Variants in NOC4L observed in about 807,000 individuals in gnomAD.
NOC4L encodes the protein nucleolar complex associated 4 homolog, also known as nucleolar complex protein 4 homolog.
NOC4L carries 40 observed loss-of-function variants against 62.8 expected under a neutral mutation model. That is an observed-to-expected ratio of 0.64 (90% CI 0.49 to 0.83). NOC4L has a LOEUF of 0.83. Ranked by LOEUF, NOC4L falls within the 40% of genes least tolerant of loss-of-function variation. The pLI is 0.00. For missense variants in NOC4L, 927 were observed against 701.9 expected (o/e 1.32, Z -3.62); for synonymous variants, 433 against 299.8 (o/e 1.44, Z -4.59).
intron 4 of NOC4L, 49 bp from the exon 5 acceptor site, chr12:132,147,584 C>G (rs1173985609): frequency 1.3e-6 from 2 of 1,595,010 alleles, no homozygotes; most frequent in Non-Finnish European, 1.7e-6. Context: ...CTGGACCTTG[C>G]TGGCGTATGC....
intron 3 of NOC4L, chr12:132,146,117 C>T (rs1444645463): frequency 5.0e-6 from 2 of 399,140 alleles, no homozygotes; most frequent in Non-Finnish European, 1.0e-5. Flanking sequence ...CTTTATCGCC[C>T]CGAAAAGAAA....
chr12:132,151,898 C>T, intron 13 of NOC4L, 78 bp downstream of exon 13: 3 of 1,431,154 alleles, frequency 2.1e-6, no homozygotes, highest in Non-Finnish European at 2.9e-6. Flanking sequence ...CCCCGTGCCA[C>T]CTCCCGCATA....
At chr12:132,146,457 C>G (rs1284419104) in intron 3 of NOC4L, 2 of 429,138 alleles carry the variant, frequency 4.7e-6, no homozygotes, top group Non-Finnish European at 9.6e-6. Context: ...TGTGATGTTT[C>G]TTTTGCTTGA....
In NOC4L at chr12:132,151,502, G is replaced by C; in HGVS notation, c.1092G>C (p.Leu364=). Residue 364 remains leucine (L), a synonymous_variant, in exon 12 of 15, where the codon CTG becomes CTC. Coordinates refer to ENST00000330579, the MANE Select transcript of NOC4L (RefSeq NM_024078.3). The part of the protein sequence containing the change: ...FLSSSHLPAY[L]VAAFAKRLAR... ...TGCCCAGCCACCTCCCCGCCTACCTGGTGGCCGCCTTCGCCAAGCGGCTGG... is the reference window on the plus strand; with the variant it reads ...TGCCCAGCCACCTCCCCGCCTACCTCGTGGCCGCCTTCGCCAAGCGGCTGG... The C allele has an allele frequency of 1.9e-6, 3 of 1,604,542 alleles. No individual in the cohort carries two copies. Among genetic ancestry groups the C allele is most frequent in the Non-Finnish European group, 2.5e-6 (3 of 1,179,206 alleles).
chr12:132,147,795 G>A lies in NOC4L; in HGVS notation c.603+13G>A, dbSNP rs1225323905. On this transcript the variant is annotated intron_variant, in intron 5 of 14. Transcript: ENST00000330579. ...CCAGCACCCCGAGGTGGGTGATGGGGTCCTGTCGCCAGCATCATGCTGTTG... is the reference window on the plus strand; with the variant it reads ...CCAGCACCCCGAGGTGGGTGATGGGATCCTGTCGCCAGCATCATGCTGTTG... 4.3e-6 allele frequency: 7 copies of A among 1,612,016 alleles called. No individual in the cohort carries two copies. Among genetic ancestry groups the A allele is most frequent in the South Asian group, 1.1e-5 (1 of 91,070 alleles).
Position 132,148,770 on chromosome 12 carries a change from C to G in NOC4L, c.790-14C>G, listed in dbSNP as rs765845119. ...CCACCCGCCCCTCACCCCCACCTGC[C>G]GGCCCCCGCCCAGCTGCCCCTCAGC... On this transcript the variant is annotated splice_polypyrimidine_tract_variant and intron_variant, in intron 8 of 14. Transcript: ENST00000330579. 53 of 1,493,086 alleles carry G rather than the reference C, an allele frequency of 3.5e-5. No homozygotes were observed. The highest frequency in any genetic ancestry group is 4.5e-5 in the Non-Finnish European group (50 of 1,106,330). The allele number at this position is 1,493,086 out of a possible 1,614,324, so 92.5% of individuals were successfully genotyped here.
rs373412135 is a variant in NOC4L at position 132,150,965 on chromosome 12, G to A, written c.902-16G>A. ...CGAGGTCACTGCAGCTCCAGCCTGT[G>A]TCTGTCTGTCTGCAGGGGGGGCCCT... On this transcript the variant is annotated splice_polypyrimidine_tract_variant and intron_variant, in intron 9 of 14. Coordinates refer to ENST00000330579, the MANE Select transcript of NOC4L (RefSeq NM_024078.3). The A allele has an allele frequency of 1.4e-5, 22 of 1,596,570 alleles. No individual in the cohort carries two copies. Among genetic ancestry groups the A allele is most frequent in the Non-Finnish European group, 1.7e-5 (20 of 1,170,506 alleles).
chr12:132,146,985 A>T (rs537483767), intron 3 of NOC4L, among the ~76,000 whole-genome samples: 14 of 152,310 alleles, frequency 9.2e-5, no homozygotes, highest in Non-Finnish European at 1.8e-4. Context: ...CCCGTGACAC[A>T]GGTGACGAGA....
At chr12:132,151,423 CA>C (rs1872913667) in intron 11 of NOC4L, 55 bp downstream of exon 11, 1 of 1,601,702 alleles carries the variant, frequency 6.2e-7, no homozygotes. Context: ...AGCCTGGGGC[CA>C]GGGGAGGGTG....
chr12:132,147,963 C>A lies in NOC4L; in HGVS notation c.687C>A (p.Phe229Leu). The A allele has an allele frequency of 6.2e-7, 1 of 1,610,468 alleles. No homozygotes were observed. ...GCCGGGAGCCCACCGTCTCCAGCTT[C>A]TATGTGAAGCGGGCGGGTGAGTGTG... ...LPRREPTVSSFYVKRAELWDT... is the reference protein window; with the variant it reads ...LPRREPTVSSLYVKRAELWDT... Residue 229 changes from phenylalanine to leucine, a missense_variant, in exon 6 of 15, where the codon TTC becomes TTA. Physicochemically the swap from Phe to Leu is conservative, Grantham distance 22. Transcript: ENST00000330579.
At chr12:132,147,419 C>CCTGG in intron 4 of NOC4L, 31 bp downstream of exon 4, 2 of 1,519,206 alleles carry the variant, frequency 1.3e-6, no homozygotes, top group South Asian at 2.4e-5. Flanking sequence ...TCCCAGAGGG[C>CCTGG]CTGGCTGGCT....
intron 3 of NOC4L, among the ~76,000 whole-genome samples, chr12:132,146,771 G>A (rs1421831400): frequency 6.6e-6 from 1 of 152,198 alleles, no homozygotes; most frequent in African/African-American, 2.4e-5. Flanking sequence ...TGGAGGGAGA[G>A]TCAGAGACAG....
intron 3 of NOC4L, among the ~76,000 whole-genome samples, chr12:132,146,042 G>A (rs751998437): frequency 1.6e-4 from 25 of 152,204 alleles, no homozygotes; most frequent in Non-Finnish European, 3.1e-4. Flanking sequence ...ACAGTTTACC[G>A]TTTAAAGCTG....
At chr12:132,147,547 G>A (rs1897769510) in intron 4 of NOC4L, 86 bp from the exon 5 acceptor site, 5 of 1,537,598 alleles carry the variant, frequency 3.3e-6, no homozygotes, top group Non-Finnish European at 4.4e-6. Context: ...GTCTGCCTGG[G>A]GGGCTCGATG....
intron 3 of NOC4L, chr12:132,146,315 T>C (rs1228846640): frequency 2.2e-6 from 1 of 455,976 alleles, no homozygotes; most frequent in African/African-American, 2.0e-5. Context: ...GTTCTCTTTG[T>C]GGCTGAGTAG....
At chr12:132,148,523 G>C (rs1230921176) in intron 7 of NOC4L, 86 bp from the exon 8 acceptor site, 1 of 1,448,772 alleles carries the variant, frequency 6.9e-7, no homozygotes. Context: ...TGTTGGCTCA[G>C]GCTGGGCTTC....
chr12:132,147,457 G>C (rs1787836767), intron 4 of NOC4L, 69 bp downstream of exon 4: 1 of 1,468,508 alleles, frequency 6.8e-7, no homozygotes, highest in Non-Finnish European at 9.3e-7. Context: ...GCCCCGTAGT[G>C]GGGGCGGGGC....
chr12:132,148,551 G>T, intron 7 of NOC4L, 58 bp from the exon 8 acceptor site: 1 of 1,540,966 alleles, frequency 6.5e-7, no homozygotes, highest in Non-Finnish European at 8.8e-7. Flanking sequence ...CCTGGCAGCT[G>T]CTCGGGCTCT....
rs764680094 is a variant in NOC4L, at chr12:132,147,729, A to G, written c.550A>G (p.Thr184Ala). The G allele has an allele frequency of 6.2e-6, 10 of 1,612,722 alleles. No homozygotes were observed. In the South Asian group the frequency reaches 8.8e-5, roughly 14 times the overall value. The change falls in exon 5 of 15, where the codon ACC becomes GCC. Residue 184 changes from threonine (T) to alanine (A), a missense_variant. By Grantham distance (58) the Thr-to-Ala change is moderately conservative. Transcript: ENST00000330579. ...YLDYDDTRYH[T>A]MQAAVDAVAR... ...GGACTACGACGACACCCGCTACCAC[A>G]CCATGCAGGCAGCCGTGGATGCCGT... is the stretch of plus-strand genomic sequence containing the variant.
Sources: gnomAD v4.1 joint callset for allele counts (sites outside exome capture counted in the v4.1 genomes callset) on GRCh38, gnomAD v4.1.1 for gene constraint, MANE v1.5 for transcripts, NCBI Gene and HGNC (gene_info 2026-07-23, HGNC 2026-07-21) for gene names.